Variants in RNF157 observed in about 807,000 individuals in gnomAD.
The protein encoded by RNF157 is ring finger protein 157.
A neutral mutation model predicts 88.3 loss-of-function variants in RNF157; 55 were observed. The ratio of observed to expected loss-of-function variants is 0.62; its 90% confidence interval spans 0.50 to 0.78. The LOEUF is 0.78. Ranked by LOEUF, RNF157 falls within the 30% of genes least tolerant of loss-of-function variation. The probability of loss-of-function intolerance (pLI) is 0.00; values close to 1 mark genes in which losing one functional copy is unlikely to be tolerated. For missense variants in RNF157, 788 were observed against 860.8 expected (o/e 0.92, Z 1.06); for synonymous variants, 334 against 341.2 (o/e 0.98, Z 0.23).
chr17:76,199,236 A>G (rs1265476482), intron 2 of RNF157, among the ~76,000 whole-genome samples: 1 of 152,138 alleles, frequency 6.6e-6, no homozygotes, highest in African/African-American at 2.4e-5. Flanking sequence ...ACAAAGAAGA[A>G]ACTATTCCTT....
intron 2 of RNF157, among the ~76,000 whole-genome samples, chr17:76,210,459 G>A (rs1359525875): frequency 7.3e-5 from 11 of 151,028 alleles, no homozygotes; most frequent in South Asian, 4.2e-4. Flanking sequence ...GTGTAGTGGC[G>A]GGTGCCTGTA....
In RNF157 at chr17:76,240,209, C is replaced by A; in HGVS notation, c.32G>T (p.Gly11Val). The A allele has an allele frequency of 7.1e-7, 1 of 1,405,404 alleles. No homozygotes were observed. Among genetic ancestry groups the A allele is most frequent in the Non-Finnish European group, 9.4e-7 (1 of 1,064,758 alleles). 87.1% of individuals were successfully genotyped at this position (1,405,404 alleles called of 1,614,324 possible). Reference protein sequence around the residue: MGALTSRQHAGVEEVDIPSNS... With the variant: MGALTSRQHAVVEEVDIPSNS... ...AGACGGGATGTCCACCTCCTCCACG[C>A]CCGCGTGCTGCCGGCTCGTCAGGGC... is the stretch of plus-strand genomic sequence containing the variant. The change falls in exon 1 of 19, where the codon GGC becomes GTC. Residue 11 changes from glycine (G) to valine (V), a missense_variant. Transcript: ENST00000269391. This position sits in a 1 kb window ranked among gnomAD's most constrained non-coding sequence, Gnocchi z 4.4.
At position 76,212,565 on chromosome 17, in the gene RNF157, A is replaced by G. The variant is rs2069821049; in HGVS notation, c.89-83T>C. The G allele has an allele frequency of 3.2e-6, 3 of 945,940 alleles. No homozygotes were observed. The African/African-American group carries it at 5.0e-5, about 16-fold the overall frequency. 58.6% of individuals were successfully genotyped at this position (945,940 alleles called of 1,614,324 possible). On this transcript the variant is annotated intron_variant, in intron 1 of 18. Transcript: ENST00000269391. ...GTAAAAAAAAAAAGCTGATTTTTAA[A>G]ATGTTAACCTTTTGGGCTGTGCGTG...
At chr17:76,200,897 T>TGACTCTCCTCCTCCCC (rs2069564715) in intron 2 of RNF157, among the ~76,000 whole-genome samples, 1 of 152,146 alleles carries the variant, frequency 6.6e-6, no homozygotes, top group Non-Finnish European at 1.5e-5. Context: ...CCGAGCTCCC[T>TGACTCTCCTCCTCCCC]GACTCTCCTC....
intron 1 of RNF157, among the ~76,000 whole-genome samples, chr17:76,219,539 G>A (rs2069945768): frequency 6.6e-6 from 1 of 152,038 alleles, no homozygotes; most frequent in African/African-American, 2.4e-5. Flanking sequence ...GGGAGGGAAC[G>A]AAGTAGAAGG....
intron 18 of RNF157, among the ~76,000 whole-genome samples, chr17:76,148,966 A>G (rs1568019432): frequency 6.6e-6 from 1 of 152,144 alleles, no homozygotes; most frequent in Non-Finnish European, 1.5e-5. Flanking sequence ...CAGTCTGCCA[A>G]ACTCCTCAGA....
Position 76,173,702 on chromosome 17 carries a change from T to C in RNF157, c.296A>G (p.Lys99Arg), listed in dbSNP as rs768414527. The stretch of plus-strand genomic sequence containing the variant: ...CTGGCCCCAGCCTCTGGGAACTTAC[T>C]TGACGAGCCTCAGTGTGTCCTTTCG... The part of the protein sequence containing the change: ...NIRKDTLRLV[K>R]CAEEVKSPGE... The change falls in exon 3 of 19, where the codon AAA becomes AGA. Residue 99 changes from lysine (K) to arginine (R), a missense_variant and splice_region_variant. Physicochemically the swap from Lys to Arg is conservative, Grantham distance 26. Coordinates refer to ENST00000269391, the MANE Select transcript of RNF157 (RefSeq NM_052916.3). 3 of 1,603,594 alleles carry C rather than the reference T, an allele frequency of 1.9e-6. No individual in the cohort carries two copies. In the South Asian group the frequency reaches 3.3e-5, roughly 18 times the overall value.
At chr17:76,233,908 G>A (rs116600617) in intron 1 of RNF157, among the ~76,000 whole-genome samples, 2,167 of 152,188 alleles carry the variant, frequency 0.014, 54 homozygotes, top group African/African-American at 0.049. Context: ...ACAATCCAAT[G>A]GTTTTTAGTA....
At chr17:76,217,761 G>T (rs985871304) in intron 1 of RNF157, among the ~76,000 whole-genome samples, 2 of 151,968 alleles carry the variant, frequency 1.3e-5, no homozygotes, top group African/African-American at 4.8e-5. Flanking sequence ...TTGCTAACGG[G>T]AAAAAAACAT....
chr17:76,208,559 T>C (rs974596520), intron 2 of RNF157, among the ~76,000 whole-genome samples: 3 of 152,250 alleles, frequency 2.0e-5, no homozygotes, highest in Non-Finnish European at 4.4e-5. Context: ...TCATTATTAT[T>C]ATCAAATAAC....
intron 8 of RNF157, chr17:76,163,464 G>A (rs976184271): frequency 6.6e-6 from 1 of 152,224 alleles, no homozygotes; most frequent in Non-Finnish European, 1.5e-5. Context: ...CGAACTGCTA[G>A]GATAACAGAG....
At chr17:76,207,779 A>C (rs560427226) in intron 2 of RNF157, among the ~76,000 whole-genome samples, 1 of 152,274 alleles carries the variant, frequency 6.6e-6, no homozygotes, top group African/African-American at 2.4e-5. Context: ...GCTACATGTC[A>C]ATCTTCAATC....
chr17:76,226,023 C>A, intron 1 of RNF157: 3 of 1,611,310 alleles, frequency 1.9e-6, no homozygotes, highest in Non-Finnish European at 2.5e-6. Flanking sequence ...CCAGGAGGAT[C>A]GTAAGGTTTG....
chr17:76,180,576 C>A (rs893352757), intron 2 of RNF157, among the ~76,000 whole-genome samples: 1 of 152,106 alleles, frequency 6.6e-6, no homozygotes, highest in African/African-American at 2.4e-5. Flanking sequence ...TTTTACTTTA[C>A]ATATTTTTTA....
rs1369253255 is a variant in RNF157, at chr17:76,161,895, G to T, written c.900C>A (p.Thr300=). Residue 300 remains threonine, a synonymous_variant, in exon 10 of 19, where the codon ACC becomes ACA. Coordinates refer to ENST00000269391, the MANE Select transcript of RNF157 (RefSeq NM_052916.3). The surrounding 1 kb of genome is among the most constrained non-coding windows in gnomAD (Gnocchi z 4.6). ...CCTGGTAGCGCAGCGTGTCTGCACA[G>T]GTGTTACAGAGGCAGAGGTGGCGAC... The part of the protein sequence containing the change: ...LPCRHLCLCN[T]CADTLRYQAN... 4 of 1,614,130 alleles carry T rather than the reference G, an allele frequency of 2.5e-6. No individual in the cohort carries two copies. In the African/African-American group the frequency reaches 5.3e-5, roughly 22 times the overall value.
At chr17:76,188,027 G>C (rs1330322601) in intron 2 of RNF157, among the ~76,000 whole-genome samples, 1 of 152,222 alleles carries the variant, frequency 6.6e-6, no homozygotes, top group African/African-American at 2.4e-5. Context: ...TAAGAGTCTT[G>C]AGAGCTCTGA....
At chr17:76,227,761 C>T (rs2145067623) in intron 1 of RNF157, among the ~76,000 whole-genome samples, 1 of 152,172 alleles carries the variant, frequency 6.6e-6, no homozygotes, top group East Asian at 1.9e-4. Context: ...CCTGTAGTCC[C>T]AGCTACTCAG....
chr17:76,201,162 C>A (rs6416850), intron 2 of RNF157, among the ~76,000 whole-genome samples: 1 of 151,572 alleles, frequency 6.6e-6, no homozygotes, highest in African/African-American at 2.4e-5. Context: ...AATGAAAACA[C>A]GTTCACTGGA....
chr17:76,232,934 T>G (rs1186339846), intron 1 of RNF157, among the ~76,000 whole-genome samples: 2 of 152,014 alleles, frequency 1.3e-5, no homozygotes, highest in African/African-American at 4.8e-5. Flanking sequence ...ATATTTTTTT[T>G]TTTTGAGACA....
Sources: allele counts gnomAD v4.1 joint callset (sites outside exome capture counted in the v4.1 genomes callset), GRCh38; gene constraint gnomAD v4.1.1; non-coding constraint Gnocchi (gnomAD v3.1); transcripts MANE v1.5; gene names NCBI Gene and HGNC (gene_info 2026-07-23, HGNC 2026-07-21).